PCGF5: variants seen among roughly 807,000 people sequenced by gnomAD.
PCGF5 encodes polycomb group ring finger 5.
Under a neutral mutation model 44.3 loss-of-function variants are expected in PCGF5, and 9 were observed. The observed-to-expected ratio is 0.20, with a 90% CI of 0.12 to 0.35. The LOEUF (loss-of-function observed/expected upper bound fraction) is 0.35, where lower values mean the gene tolerates loss of function less well. Among genes scored for constraint, PCGF5 ranks in the 10% least tolerant of loss-of-function variants. The pLI is 1.00. For synonymous variants in PCGF5, 95 were observed against 102.5 expected (o/e 0.93, Z 0.44); for missense variants, 146 against 305.3 (o/e 0.48, Z 3.89).
intron 1 of PCGF5, among the ~76,000 whole-genome samples, chr10:91,199,193 A>C (rs1202768711): frequency 6.6e-6 from 1 of 152,198 alleles, no homozygotes; most frequent in African/African-American, 2.4e-5. Context: ...GAATTTTATG[A>C]CATAATAAAC....
chr10:91,193,439 T>TG (rs1032291888), intron 1 of PCGF5, among the ~76,000 whole-genome samples: 5 of 90,702 alleles, frequency 5.5e-5, no homozygotes, highest in Admixed American at 1.3e-4. Context: ...CTAAAAGGGA[T>TG]GGGGGGGTGG....
In PCGF5 at chr10:91,283,102, A is replaced by T. The variant is rs950061919; in HGVS notation, c.*4786A>T. ...TCAGACTGAAAGTTCATTCAAATGT[A>T]CTTAAATGTACAATACAGTGTTCAA... is the stretch of plus-strand genomic sequence containing the variant. On this transcript the variant is annotated 3_prime_UTR_variant, in exon 10 of 10. Transcript: ENST00000336126. The T allele has an allele frequency of 1.4e-4, 21 of 152,208 alleles. No individual in the cohort carries two copies. The highest frequency in any genetic ancestry group is 5.1e-4 in the African/African-American group (21 of 41,448). The allele number at this position is 152,208 out of a possible 1,614,324, so 9.4% of individuals were successfully genotyped here.
intron 1 of PCGF5, among the ~76,000 whole-genome samples, chr10:91,196,621 C>T (rs1351936433): frequency 6.6e-6 from 1 of 152,206 alleles, no homozygotes; most frequent in East Asian, 1.9e-4. Context: ...CTGACCCACA[C>T]TTGCCCAGCT....
intron 1 of PCGF5, among the ~76,000 whole-genome samples, chr10:91,187,324 TGATA>T (rs1222515940): frequency 6.6e-6 from 1 of 152,114 alleles, no homozygotes; most frequent in Non-Finnish European, 1.5e-5. Context: ...ACTTTTGCTG[TGATA>T]GATAAAGATC....
intron 1 of PCGF5, among the ~76,000 whole-genome samples, chr10:91,168,405 A>G (rs1843538522): frequency 6.6e-6 from 1 of 152,152 alleles, no homozygotes; most frequent in Admixed American, 6.5e-5. Context: ...AAGACTGGGA[A>G]AAGGACATTA....
At chr10:91,277,690 G>C (rs1846350937) in intron 9 of PCGF5, among the ~76,000 whole-genome samples, 1 of 152,154 alleles carries the variant, frequency 6.6e-6, no homozygotes, top group South Asian at 2.1e-4. Flanking sequence ...TGACCTAAAT[G>C]TTTCATGTAA....
chr10:91,255,733 T>TCAA (rs1001839256), intron 6 of PCGF5, among the ~76,000 whole-genome samples: 2 of 151,974 alleles, frequency 1.3e-5, no homozygotes, highest in African/African-American at 2.4e-5. Flanking sequence ...ATGTCTAGTT[T>TCAA]CAACAACAAC....
chr10:91,173,175 G>C (rs151137639), intron 1 of PCGF5, among the ~76,000 whole-genome samples: 1 of 152,296 alleles, frequency 6.6e-6, no homozygotes, highest in East Asian at 1.9e-4. Flanking sequence ...AACACACACT[G>C]TGATATTTAA....
At chr10:91,178,220 G>A (rs1187752990) in intron 1 of PCGF5, among the ~76,000 whole-genome samples, 3 of 152,170 alleles carry the variant, frequency 2.0e-5, no homozygotes, top group African/African-American at 7.2e-5. Context: ...CAATAGGACA[G>A]CCATAATTAT....
chr10:91,194,511 C>T (rs1056715033), intron 1 of PCGF5, among the ~76,000 whole-genome samples: 17 of 152,220 alleles, frequency 1.1e-4, no homozygotes, highest in Admixed American at 6.5e-5. Context: ...CCCTGCAAAC[C>T]CTTGATTTTT....
At chr10:91,231,443 A>G (rs1371438408) in intron 2 of PCGF5, among the ~76,000 whole-genome samples, 1 of 152,190 alleles carries the variant, frequency 6.6e-6, no homozygotes, top group Non-Finnish European at 1.5e-5. Flanking sequence ...CTTTTGAACA[A>G]AGACCAGGTA....
At chr10:91,236,175 G>A (rs1271757500) in intron 2 of PCGF5, among the ~76,000 whole-genome samples, 1 of 152,218 alleles carries the variant, frequency 6.6e-6, no homozygotes, top group Non-Finnish European at 1.5e-5. Flanking sequence ...GCATTGCATA[G>A]TGGTTTGGAT....
chr10:91,256,883 C>T (rs1355566076), intron 6 of PCGF5, among the ~76,000 whole-genome samples: 3 of 152,002 alleles, frequency 2.0e-5, no homozygotes, highest in Non-Finnish European at 2.9e-5. Context: ...AAGATATTCC[C>T]ATGACCTTGG....
chr10:91,161,159 C>A (rs146683574), upstream of PCGF5, among the ~76,000 whole-genome samples: 1 of 152,356 alleles, frequency 6.6e-6, no homozygotes, highest in African/African-American at 2.4e-5. Context: ...CCGGCTGTCT[C>A]CTCTCTTTGC....
intron 1 of PCGF5, among the ~76,000 whole-genome samples, chr10:91,178,709 G>A (rs192586508): frequency 2.6e-5 from 4 of 151,934 alleles, no homozygotes; most frequent in Admixed American, 6.6e-5. Context: ...CATTTTAAAC[G>A]TAGTAGTACA....
rs1294114016 is a variant in PCGF5, at chr10:91,282,382, G to A, written c.*4066G>A. 6.6e-6 allele frequency: 1 copy of A among 152,528 alleles called. No homozygotes were observed. Among genetic ancestry groups the A allele is most frequent in the Non-Finnish European group, 1.5e-5 (1 of 68,116 alleles). 9.4% of individuals were successfully genotyped at this position (152,528 alleles called of 1,614,324 possible). On this transcript the variant is annotated 3_prime_UTR_variant, in exon 10 of 10. Coordinates refer to ENST00000336126, the MANE Select transcript of PCGF5 (RefSeq NM_032373.5). ...GCCTGTAATCCCAGCTACATGGGAG[G>A]TTGAGGCAGGAGAATCTCTTGAACC... is the stretch of plus-strand genomic sequence containing the variant.
chr10:91,268,743 A>G (rs1026436485), intron 8 of PCGF5, among the ~76,000 whole-genome samples: 7 of 152,140 alleles, frequency 4.6e-5, no homozygotes, highest in African/African-American at 1.7e-4. Context: ...CCTGCACCAT[A>G]CATACTCTGT....
At chr10:91,265,460 C>T (rs1434453303) in intron 8 of PCGF5, among the ~76,000 whole-genome samples, 1 of 151,958 alleles carries the variant, frequency 6.6e-6, no homozygotes, top group Non-Finnish European at 1.5e-5. Context: ...GTTTATGATA[C>T]AATATGCCAT....
At chr10:91,183,872 A>G (rs1843868226) in intron 1 of PCGF5, among the ~76,000 whole-genome samples, 1 of 152,088 alleles carries the variant, frequency 6.6e-6, no homozygotes, top group African/African-American at 2.4e-5. Flanking sequence ...TTTCTTTAAG[A>G]ATGTTGAATA....
Sources: allele counts gnomAD v4.1 joint callset (sites outside exome capture counted in the v4.1 genomes callset), GRCh38; gene constraint gnomAD v4.1.1; transcripts MANE v1.5; gene names NCBI Gene and HGNC (gene_info 2026-07-23, HGNC 2026-07-21).